The following NFIL3 variants were observed in gnomAD, a reference collection of about 807,000 sequenced individuals.
NFIL3 encodes the protein nuclear factor, interleukin 3 regulated, also known as nuclear factor interleukin-3-regulated protein.
Under a neutral mutation model 10.0 loss-of-function variants are expected in NFIL3, and 5 were observed. That is an observed-to-expected ratio of 0.50 (90% CI 0.26 to 1.06). The LOEUF is 1.06. Ranked by LOEUF, NFIL3 falls within the 50% of genes least tolerant of loss-of-function variation. The pLI, the probability that NFIL3 is intolerant of heterozygous loss-of-function variation, is 0.13. For missense variants in NFIL3, 436 were observed against 547.6 expected, an observed-to-expected ratio of 0.80 and a Z score of 2.03; for synonymous variants, 202 against 206.5, an observed-to-expected ratio of 0.98 and a Z score of 0.19.
At chr9:91,424,073 G>C (rs1385266300), upstream of NFIL3, among the ~76,000 whole-genome samples, 1 of 148,354 alleles carries the variant, frequency 6.7e-6, no homozygotes, top group Admixed American at 6.7e-5. Flanking sequence ...ACCGCCGTCC[G>C]AGCGCCCGCG....
Position 91,410,888 on chromosome 9 carries a change from G to T in NFIL3, c.-154C>A. On this transcript the variant is annotated 5_prime_UTR_variant, in exon 2 of 2. Coordinates refer to ENST00000297689, the MANE Select transcript of NFIL3 (RefSeq NM_005384.3). The surrounding 1 kb of genome is among the most constrained non-coding windows in gnomAD (Gnocchi z 5.7). Reference sequence around the variant, plus strand: ...TCCGTCAGGCTCCTTATTGAATGAAGTTGGGCCTCCTTCGTTATCTGCAAT... The same window carrying T: ...TCCGTCAGGCTCCTTATTGAATGAATTTGGGCCTCCTTCGTTATCTGCAAT... The T allele has an allele frequency of 1.4e-6, 1 of 721,192 alleles. No homozygotes were observed. Among genetic ancestry groups the T allele is most frequent in the Admixed American group, 3.6e-5 (1 of 27,720 alleles). The allele number at this position is 721,192 out of a possible 1,614,324, so 44.7% of individuals were successfully genotyped here. A position where few individuals can be genotyped will look rare whatever the true frequency, so the allele number is the denominator to read the frequency against.
At chr9:91,411,678 T>G (rs1833551552) in intron 1 of NFIL3, among the ~76,000 whole-genome samples, 2 of 152,200 alleles carry the variant, frequency 1.3e-5, no homozygotes, top group Non-Finnish European at 2.9e-5. Context: ...GATTAGAATT[T>G]TTTTTTCTGA....
the NFIL3 span, among the ~76,000 whole-genome samples, chr9:91,462,017 T>C: frequency 6.6e-6 from 1 of 152,176 alleles, no homozygotes; most frequent in Admixed American, 6.5e-5. Context: ...GGGGAGGTTA[T>C]TCAATGGGTA....
the NFIL3 span, among the ~76,000 whole-genome samples, chr9:91,480,326 G>C: frequency 1.3e-5 from 2 of 152,192 alleles, no homozygotes; most frequent in South Asian, 2.1e-4. Context: ...CTAAATTATA[G>C]TAGTTAAACC....
chr9:91,478,364 C>T, the NFIL3 span, among the ~76,000 whole-genome samples: 6 of 152,086 alleles, frequency 3.9e-5, no homozygotes, highest in African/African-American at 1.4e-4. Context: ...ACTCTTTTTT[C>T]TCTAATCTTG....
the NFIL3 span, among the ~76,000 whole-genome samples, chr9:91,434,350 C>G: frequency 6.6e-6 from 1 of 152,058 alleles, no homozygotes; most frequent in Non-Finnish European, 1.5e-5. Context: ...TATCAGATTG[C>G]ATGGGAGTAG....
chr9:91,478,709 G>A, the NFIL3 span, among the ~76,000 whole-genome samples: 1 of 152,134 alleles, frequency 6.6e-6, no homozygotes, highest in South Asian at 2.1e-4. Flanking sequence ...TGATCCTTTG[G>A]AGGAGAAAAG....
Position 91,410,363 on chromosome 9 carries a change from T to C in NFIL3, c.372A>G (p.Leu124=). The C allele has an allele frequency of 6.2e-7, 1 of 1,613,998 alleles. No individual in the cohort carries two copies. The highest frequency in any genetic ancestry group is 8.5e-7 in the Non-Finnish European group (1 of 1,179,976). ...CTGTGGAGCTAATTAAACCAAACTT[T>C]AATTTTAGTGAAAGCAGCTCAGCTT... ...TLKAELLSLK[L]KFGLISSTAY... Residue 124 remains leucine, a synonymous_variant, in exon 2 of 2, where the codon TTA becomes TTG. Coordinates refer to ENST00000297689, the MANE Select transcript of NFIL3 (RefSeq NM_005384.3). The surrounding 1 kb of genome is among the most constrained non-coding windows in gnomAD (Gnocchi z 5.7).
chr9:91,411,453 C>G (rs1833546339), intron 1 of NFIL3, among the ~76,000 whole-genome samples: 1 of 152,122 alleles, frequency 6.6e-6, no homozygotes, highest in South Asian at 2.1e-4. Context: ...CAAATGGAGA[C>G]AAACTTCTTC....
chr9:91,423,195 C>A (rs1170094068), intron 1 of NFIL3, among the ~76,000 whole-genome samples: 2 of 152,152 alleles, frequency 1.3e-5, no homozygotes, highest in East Asian at 3.9e-4. Flanking sequence ...ATTCCCCATT[C>A]CTCAACCCCC....
At chr9:91,446,911 G>T in the NFIL3 span, among the ~76,000 whole-genome samples, 3 of 151,942 alleles carry the variant, frequency 2.0e-5, no homozygotes, top group Non-Finnish European at 4.4e-5. Flanking sequence ...TACCTCCTGA[G>T]TTCAAGTGAT....
At chr9:91,474,576 T>C in the NFIL3 span, among the ~76,000 whole-genome samples, 1 of 152,184 alleles carries the variant, frequency 6.6e-6, no homozygotes, top group Non-Finnish European at 1.5e-5. Flanking sequence ...TTTCCATTTA[T>C]GTCTTTCTCT....
the NFIL3 span, among the ~76,000 whole-genome samples, chr9:91,457,170 C>T: frequency 3.3e-5 from 5 of 151,822 alleles, no homozygotes; most frequent in African/African-American, 1.2e-4. Flanking sequence ...CCAAATTTAT[C>T]ATTCTTTTTA....
upstream of NFIL3, among the ~76,000 whole-genome samples, chr9:91,428,057 T>C (rs1833889017): frequency 6.6e-6 from 1 of 152,194 alleles, no homozygotes; most frequent in Non-Finnish European, 1.5e-5. Flanking sequence ...TTGGCTTTGA[T>C]GCAATGAGTC....
the NFIL3 span, among the ~76,000 whole-genome samples, chr9:91,460,271 C>CT: frequency 0.011 from 781 of 70,416 alleles, 63 homozygotes; most frequent in East Asian, 0.025. Context: ...GGGCTTGGTT[C>CT]TTTTTTTTTT....
chr9:91,465,485 GT>G, the NFIL3 span, among the ~76,000 whole-genome samples: 29,818 of 150,350 alleles, frequency 0.2, 3,486 homozygotes, highest in East Asian at 0.49. Flanking sequence ...TATTATCCAT[GT>G]TTTTTTTTGC....
chr9:91,433,746 A>G, the NFIL3 span, among the ~76,000 whole-genome samples: 1 of 152,224 alleles, frequency 6.6e-6, no homozygotes. Flanking sequence ...TTCATTTGTG[A>G]CTGAATAACA....
the NFIL3 span, among the ~76,000 whole-genome samples, chr9:91,444,497 G>A: frequency 2.7e-4 from 41 of 152,008 alleles, no homozygotes; most frequent in African/African-American, 8.9e-4. Context: ...TATTTCCTTC[G>A]TTTTTTGTGT....
At chr9:91,426,450 T>A (rs995830599), upstream of NFIL3, 1 of 152,156 alleles carries the variant, frequency 6.6e-6, no homozygotes, top group Non-Finnish European at 1.5e-5. Flanking sequence ...CTAAGATATT[T>A]GAAACAAATT....
Sources: allele counts gnomAD v4.1 joint callset (sites outside exome capture counted in the v4.1 genomes callset), GRCh38; gene constraint gnomAD v4.1.1; non-coding constraint Gnocchi (gnomAD v3.1); transcripts MANE v1.5; gene names NCBI Gene and HGNC (gene_info 2026-07-23, HGNC 2026-07-21).